PTPRK: variants seen among roughly 807,000 people sequenced by gnomAD.
PTPRK encodes the protein protein tyrosine phosphatase receptor type K.
PTPRK carries 75 observed loss-of-function variants against 178.0 expected under a neutral mutation model. The ratio of observed to expected loss-of-function variants is 0.42; its 90% CI spans 0.35 to 0.51. The LOEUF is 0.51. Ranked by LOEUF, PTPRK falls within the 20% of genes least tolerant of loss-of-function variation. The pLI, the probability that PTPRK is intolerant of heterozygous loss-of-function variation, is 0.02. For synonymous variants in PTPRK, 637 were observed against 620.6 expected, an observed-to-expected ratio of 1.03 and a Z score of -0.39; for missense variants, 1,441 against 1,797.8, an observed-to-expected ratio of 0.80 and a Z score of 3.59.
chr6:128,295,120 A>T (rs1824080262), intron 3 of PTPRK, among the ~76,000 whole-genome samples: 1 of 152,158 alleles, frequency 6.6e-6, no homozygotes, highest in Non-Finnish European at 1.5e-5. Flanking sequence ...TTTACATTTG[A>T]AATACAAACT....
intron 2 of PTPRK, among the ~76,000 whole-genome samples, chr6:128,323,214 T>TA (rs1347182648): frequency 6.6e-6 from 1 of 152,088 alleles, no homozygotes; most frequent in African/African-American, 2.4e-5. Context: ...ACACAGAGAC[T>TA]AAGTACAAAA....
chr6:127,988,367 C>T (rs554516869), intron 21 of PTPRK, among the ~76,000 whole-genome samples: 1 of 149,416 alleles, frequency 6.7e-6, no homozygotes, highest in African/African-American at 2.5e-5. Flanking sequence ...GCAGTGGCGC[C>T]ATCTTGGCTC....
intron 5 of PTPRK, among the ~76,000 whole-genome samples, chr6:128,231,448 T>G (rs1271858926): frequency 6.6e-6 from 1 of 152,140 alleles, no homozygotes; most frequent in African/African-American, 2.4e-5. Context: ...TTAGAGCAGG[T>G]GACAAGAAAC....
At chr6:128,301,197 C>T (rs1825552019) in intron 3 of PTPRK, among the ~76,000 whole-genome samples, 1 of 151,994 alleles carries the variant, frequency 6.6e-6, no homozygotes, top group South Asian at 2.1e-4. Context: ...TTAATAAAGC[C>T]ACAAAAATAT....
At chr6:127,977,908 T>A (rs975099854) in intron 25 of PTPRK, among the ~76,000 whole-genome samples, 1 of 152,210 alleles carries the variant, frequency 6.6e-6, no homozygotes, top group South Asian at 2.1e-4. Context: ...TAATAATAAT[T>A]AGTAGATTAT....
At chr6:128,505,184 A>C (rs1345568970) in intron 1 of PTPRK, among the ~76,000 whole-genome samples, 2 of 150,458 alleles carry the variant, frequency 1.3e-5, no homozygotes, top group African/African-American at 4.9e-5. Flanking sequence ...GCTCGCTGCA[A>C]CTTCTGCCTC....
chr6:128,424,400 C>CA (rs1385915435), intron 1 of PTPRK, among the ~76,000 whole-genome samples: 1 of 152,098 alleles, frequency 6.6e-6, no homozygotes, highest in African/African-American at 2.4e-5. Context: ...GGCTGAAGCC[C>CA]ACATCTCTCA....
At chr6:128,356,665 T>A (rs898892028) in intron 2 of PTPRK, among the ~76,000 whole-genome samples, 2 of 152,216 alleles carry the variant, frequency 1.3e-5, no homozygotes, top group African/African-American at 4.8e-5. Context: ...TTCTTTTCTT[T>A]CTCATATCAT....
At chr6:128,329,285 A>G (rs1829966848) in intron 2 of PTPRK, among the ~76,000 whole-genome samples, 1 of 152,114 alleles carries the variant, frequency 6.6e-6, no homozygotes, top group Non-Finnish European at 1.5e-5. Context: ...AGAGTGTTGG[A>G]TGTCTGAAGA....
At chr6:128,184,303 T>C in intron 7 of PTPRK, 129 bp downstream of exon 7, 1 of 962,792 alleles carries the variant, frequency 1.0e-6, no homozygotes, top group East Asian at 2.6e-5. Flanking sequence ...ATTTATGTAA[T>C]TCATTGGAAC....
At chr6:128,185,996 G>C (rs1802697638) in intron 6 of PTPRK, among the ~76,000 whole-genome samples, 1 of 152,050 alleles carries the variant, frequency 6.6e-6, no homozygotes, top group Non-Finnish European at 1.5e-5. Context: ...TAGCTTAAAA[G>C]CCTCTGAATT....
Position 128,221,858 on chromosome 6 carries a change from C to T in PTPRK, c.694-2762G>A, listed in dbSNP as rs540326054. 1.7e-4 allele frequency among the ~76,000 whole-genome samples: 26 copies of T among 152,232 alleles called. No individual in the cohort carries two copies. The South Asian group carries it at 5.2e-3, about 30-fold the overall frequency. ...TAAATCCATAAAATCAGCCAAAACT[C>T]TTTCCCTACAAACCACATAAACCAA... On this transcript the variant is annotated intron_variant, in intron 5 of 29. Transcript: ENST00000368226.
chr6:128,094,003 T>C (rs1049205232), intron 7 of PTPRK, among the ~76,000 whole-genome samples: 5 of 152,176 alleles, frequency 3.3e-5, no homozygotes, highest in African/African-American at 1.2e-4. Flanking sequence ...TCTCAATGGA[T>C]AGAAGCAAGA....
At chr6:128,418,616 T>C (rs1265371267) in intron 1 of PTPRK, among the ~76,000 whole-genome samples, 1 of 151,916 alleles carries the variant, frequency 6.6e-6, no homozygotes, top group African/African-American at 2.4e-5. Context: ...TGGGGAAAAA[T>C]TGTCTTCCAT....
At chr6:128,197,383 A>G (rs1258696433) in intron 6 of PTPRK, among the ~76,000 whole-genome samples, 1 of 152,028 alleles carries the variant, frequency 6.6e-6, no homozygotes, top group African/African-American at 2.4e-5. Context: ...CTGACATTGA[A>G]CAAATGTCAA....
In PTPRK at chr6:127,977,608, T is replaced by C. The variant is rs568236932; in HGVS notation, c.3712-554A>G. Among the ~76,000 whole-genome samples, 39 of 152,334 alleles carry C rather than the reference T, an allele frequency of 2.6e-4. No individual in the cohort carries two copies. The South Asian group carries it at 6.2e-3, about 24-fold the overall frequency. On this transcript the variant is annotated intron_variant, in intron 25 of 29. Coordinates refer to ENST00000368226, the MANE Select transcript of PTPRK (RefSeq NM_002844.4). Reference sequence around the variant, plus strand: ...TTACATTATGTGGACACTACCAGGATATTCTGCACATCTTGCAGACAATCC... The same window carrying C: ...TTACATTATGTGGACACTACCAGGACATTCTGCACATCTTGCAGACAATCC...
rs751139650 is a variant in PTPRK at position 127,983,192 on chromosome 6, CA to C, written c.3387+49del. The C allele has an allele frequency of 8.8e-4, 1,287 of 1,458,306 alleles. 13 individuals are homozygous for C. In the African/African-American group the frequency reaches 0.015, roughly 18 times the overall value. 90.3% of individuals were successfully genotyped at this position (1,458,306 alleles called of 1,614,324 possible). ...ATGAGAGACATCTACTCTTTGTTTGCAAAAAAAATAAAAAATAAAAAAAAGT... is the reference window on the plus strand; with the variant it reads ...ATGAGAGACATCTACTCTTTGTTTGCAAAAAAATAAAAAATAAAAAAAAGT... On this transcript the variant is annotated intron_variant, in intron 23 of 29. Transcript: ENST00000368226.
intron 2 of PTPRK, among the ~76,000 whole-genome samples, chr6:128,365,425 T>C (rs982435751): frequency 6.6e-6 from 1 of 152,086 alleles, no homozygotes; most frequent in Admixed American, 6.6e-5. Flanking sequence ...GAGGTAATAT[T>C]TAACTGAAAA....
At chr6:128,199,755 T>C (rs2128256851) in intron 6 of PTPRK, among the ~76,000 whole-genome samples, 1 of 152,310 alleles carries the variant, frequency 6.6e-6, no homozygotes. Flanking sequence ...AAAATCTAAT[T>C]CCTTCAAAAT....
Sources: allele counts gnomAD v4.1 joint callset (sites outside exome capture counted in the v4.1 genomes callset), GRCh38; gene constraint gnomAD v4.1.1; transcripts MANE v1.5; gene names NCBI Gene and HGNC (gene_info 2026-07-23, HGNC 2026-07-21).